The following USP12 variants were observed in gnomAD, a reference collection of about 807,000 sequenced individuals.
The protein encoded by USP12 is ubiquitin carboxyl-terminal hydrolase 12.
A neutral mutation model predicts 45.5 loss-of-function variants in USP12; 19 were observed. The ratio of observed to expected loss-of-function variants is 0.42; its 90% CI spans 0.29 to 0.61. The LOEUF is 0.61. Ranked by LOEUF, USP12 falls within the 20% of genes least tolerant of loss-of-function variation. USP12 has a pLI of 0.22. For missense variants in USP12, 242 were observed against 447.7 expected, an observed-to-expected ratio of 0.54 and a Z score of 4.15; for synonymous variants, 149 against 148.8, an observed-to-expected ratio of 1.00 and a Z score of -0.01.
chr13:27,088,308 C>T (rs1312714631), intron 6 of USP12, among the ~76,000 whole-genome samples: 1 of 147,694 alleles, frequency 6.8e-6, no homozygotes, highest in African/African-American at 2.5e-5. Context: ...CCCAGCTACT[C>T]GGGAGGCTGA....
intron 6 of USP12, among the ~76,000 whole-genome samples, chr13:27,087,805 C>T (rs1874130079): frequency 1.3e-5 from 2 of 152,162 alleles, no homozygotes; most frequent in Admixed American, 6.5e-5. Context: ...TGGAGGAACT[C>T]CCCCTGGCCA....
intron 1 of USP12, among the ~76,000 whole-genome samples, chr13:27,166,801 A>G (rs1004319718): frequency 4.6e-5 from 7 of 152,160 alleles, no homozygotes; most frequent in African/African-American, 1.7e-4. Context: ...TCTGCTAACT[A>G]TATCACTTTA....
chr13:27,095,732 T>C lies in USP12; in HGVS notation c.442A>G (p.Lys148Glu). The part of the protein sequence containing the change: ...DILQEERKQE[K>E]QNGRLPNGNI... Reference sequence around the variant, plus strand: ...CCATTAGGTAAACGACCATTTTGTTTTTCCTGCTTTCTCTCTTCTTGTAAA... The same window carrying C: ...CCATTAGGTAAACGACCATTTTGTTCTTCCTGCTTTCTCTCTTCTTGTAAA... Residue 148 changes from lysine to glutamate, a missense_variant, in exon 4 of 9, where the codon AAA becomes GAA. Transcript: ENST00000282344. 1 of 1,613,300 alleles carries C rather than the reference T, an allele frequency of 6.2e-7. No individual in the cohort carries two copies. The highest frequency in any genetic ancestry group is 8.5e-7 in the Non-Finnish European group (1 of 1,179,588).
At chr13:27,144,738 T>C (rs1327908915) in intron 1 of USP12, among the ~76,000 whole-genome samples, 1 of 136,666 alleles carries the variant, frequency 7.3e-6, no homozygotes, top group Non-Finnish European at 1.6e-5. Context: ...GGAAGTTTTG[T>C]TTTTTGTTGT....
intron 3 of USP12, 58 bp downstream of exon 3, chr13:27,105,673 T>C: frequency 6.7e-7 from 1 of 1,502,550 alleles, no homozygotes; most frequent in Non-Finnish European, 9.2e-7. Flanking sequence ...GCTGGAATTA[T>C]GGCACACTAT....
Position 27,139,548 on chromosome 13 carries a change from G to A in USP12, c.49-22952C>T, listed in dbSNP as rs574218398. ...GGAGAATCGCTTGAACCTGGGAGGC[G>A]GAGGCTGCAGTGAGCCGAGATCGCG... On this transcript the variant is annotated intron_variant, in intron 1 of 8. Coordinates refer to ENST00000282344, the MANE Select transcript of USP12 (RefSeq NM_182488.4). Among the ~76,000 whole-genome samples, 478 of 152,270 alleles carry A rather than the reference G, an allele frequency of 3.1e-3. 2 individuals carry two copies. The highest frequency in any genetic ancestry group is 0.011 in the African/African-American group (457 of 41,558).
At chr13:27,148,083 C>T (rs1026242391) in intron 1 of USP12, among the ~76,000 whole-genome samples, 26 of 151,264 alleles carry the variant, frequency 1.7e-4, no homozygotes, top group African/African-American at 5.4e-4. Flanking sequence ...GAGCTGTGAC[C>T]GCACTACTGC....
rs1875015335 is a variant in USP12, at chr13:27,104,119, C to T, written c.343+1612G>A. Among the ~76,000 whole-genome samples the T allele has an allele frequency of 2.0e-5, 3 of 152,072 alleles. No individual in the cohort carries two copies. The South Asian group carries it at 6.2e-4, about 32-fold the overall frequency. The stretch of plus-strand genomic sequence containing the variant: ...AATCAGGGCTCACTGCAGCTTCAAC[C>T]TCCTGGGCTCAAGCGATCCTGCCAC... On this transcript the variant is annotated intron_variant, in intron 3 of 8. Transcript: ENST00000282344.
At chr13:27,075,007 TAACATATAAAATTTTTAAGAAATGATA>T (rs1263036991) in intron 7 of USP12, among the ~76,000 whole-genome samples, 157 bp downstream of exon 7, 3 of 152,138 alleles carry the variant, frequency 2.0e-5, no homozygotes, top group African/African-American at 7.2e-5. Context: ...CAATATATTT[TAACATATAAAATTTTTAAGAAATGATA>T]AAACATAAAG....
chr13:27,076,866 T>A (rs1873513327), intron 6 of USP12, among the ~76,000 whole-genome samples: 1 of 152,202 alleles, frequency 6.6e-6, no homozygotes, highest in African/African-American at 2.4e-5. Context: ...TTTGGAAACA[T>A]TAGCCAAAGT....
At chr13:27,088,348 C>A (rs1269538229) in intron 6 of USP12, among the ~76,000 whole-genome samples, 3 of 136,968 alleles carry the variant, frequency 2.2e-5, no homozygotes, top group Middle Eastern at 4.8e-3. Context: ...TCCGGGAAGG[C>A]GGAGCTTGCA....
intron 1 of USP12, among the ~76,000 whole-genome samples, chr13:27,165,548 A>G (rs1379064025): frequency 6.6e-6 from 1 of 152,206 alleles, no homozygotes. Context: ...TGGGCCAGGT[A>G]CTAGTCAACA....
intron 1 of USP12, among the ~76,000 whole-genome samples, chr13:27,155,824 A>C (rs1305977093): frequency 1.3e-5 from 2 of 152,202 alleles, no homozygotes; most frequent in Non-Finnish European, 2.9e-5. Context: ...AAAAGGTTCA[A>C]CTTAATTTGT....
rs1297125693 is a variant in USP12 at position 27,066,427 on chromosome 13, TAA to T, written c.*2854_*2855del. On this transcript the variant is annotated 3_prime_UTR_variant, in exon 9 of 9. Transcript: ENST00000282344. ...AAATACCTCATGATAGAATCTTTAA[TAA>T]AAAGTGTTTTTAAAGAAAGTATCAA... is the stretch of plus-strand genomic sequence containing the variant. 6.6e-6 allele frequency: 1 copy of T among 152,122 alleles called. No homozygotes were observed. The allele number at this position is 152,122 out of a possible 1,614,324, so 9.4% of individuals were successfully genotyped here. A position where few individuals can be genotyped will look rare whatever the true frequency, so the allele number is the denominator to read the frequency against.
chr13:27,137,893 T>C (rs1031298735), intron 1 of USP12, among the ~76,000 whole-genome samples: 6 of 152,222 alleles, frequency 3.9e-5, no homozygotes, highest in East Asian at 3.8e-4. Flanking sequence ...AGAGGACTTA[T>C]GGAGAGGGCC....
intron 2 of USP12, among the ~76,000 whole-genome samples, chr13:27,114,850 T>C (rs1272608908): frequency 1.3e-5 from 2 of 151,538 alleles, no homozygotes; most frequent in South Asian, 2.1e-4. Flanking sequence ...TAGACAGGCA[T>C]GGTGGTGTGT....
chr13:27,170,482 G>C (rs1288883777), intron 1 of USP12, among the ~76,000 whole-genome samples: 2 of 152,188 alleles, frequency 1.3e-5, no homozygotes, highest in Admixed American at 1.3e-4. Context: ...ACGTTGCAAA[G>C]AACAACTTTT....
chr13:27,120,797 T>C (rs952230670), intron 1 of USP12, among the ~76,000 whole-genome samples: 3 of 152,156 alleles, frequency 2.0e-5, no homozygotes, highest in African/African-American at 7.2e-5. Flanking sequence ...GAATTCATCA[T>C]GAAGAAGTAA....
chr13:27,147,169 C>T (rs543871472), intron 1 of USP12, among the ~76,000 whole-genome samples: 6 of 152,236 alleles, frequency 3.9e-5, no homozygotes, highest in Middle Eastern at 6.8e-3. Context: ...CCCTAGGAAA[C>T]GAATACACCA....
Sources: gnomAD v4.1 joint callset for allele counts (sites outside exome capture counted in the v4.1 genomes callset) on GRCh38, gnomAD v4.1.1 for gene constraint, MANE v1.5 for transcripts, NCBI Gene and HGNC (gene_info 2026-07-23, HGNC 2026-07-21) for gene names.